Variants in CNTD1 observed in about 807,000 individuals in gnomAD.
The protein encoded by CNTD1 is cyclin N-terminal domain-containing protein 1.
CNTD1 carries 17 observed loss-of-function variants against 36.3 expected under a neutral mutation model. That is an observed-to-expected ratio of 0.47 (90% CI 0.32 to 0.70). CNTD1 has a LOEUF of 0.70. Among genes scored for constraint, CNTD1 ranks in the 30% least tolerant of loss-of-function variants. The probability of loss-of-function intolerance (pLI) is 0.03; values close to 1 mark genes in which losing one functional copy is unlikely to be tolerated. For missense variants in CNTD1, 338 were observed against 386.1 expected (o/e 0.88, Z 1.04); for synonymous variants, 128 against 153.3 (o/e 0.83, Z 1.22).
chr17:42,799,752 CAAAAA>C (rs780393099), intron 1 of CNTD1, among the ~76,000 whole-genome samples: 9 of 10,590 alleles, frequency 8.5e-4, no homozygotes, highest in African/African-American at 2.2e-3. Flanking sequence ...AACTCCGTCT[CAAAAA>C]AAAAAAAAAA....
intron 1 of CNTD1, among the ~76,000 whole-genome samples, chr17:42,801,212 A>C (rs2054777011): frequency 6.6e-6 from 1 of 151,198 alleles, no homozygotes; most frequent in African/African-American, 2.4e-5. Context: ...AACAACAAAA[A>C]AAAACAACAC....
rs2054949949 is a variant in CNTD1 at position 42,809,533 on chromosome 17, T to C, written c.991T>C (p.Ter331ArgextTer53). The change falls in exon 7 of 7, where the codon TGA (stop) becomes CGA (arginine). Residue 331 changes from the stop codon to arginine (R), a stop_lost. Coordinates refer to ENST00000588408, the MANE Select transcript of CNTD1 (RefSeq NM_173478.3). ...ALKTVASSNT[*>R] ...GAAGACTGTTGCTTCCTCTAACACA[T>C]GAGGGAGGCTGAATCCACCAAATAT... 1.2e-6 allele frequency: 2 copies of C among 1,613,634 alleles called. No homozygotes were observed. The highest frequency in any genetic ancestry group is 1.7e-6 in the Non-Finnish European group (2 of 1,179,630).
At position 42,804,211 on chromosome 17, in the gene CNTD1, TCC is replaced by T; in HGVS notation, c.246-12_246-11del. 6.2e-7 allele frequency: 1 copy of T among 1,607,470 alleles called. No homozygotes were observed. The highest frequency in any genetic ancestry group is 8.5e-7 in the Non-Finnish European group (1 of 1,176,384). ...GTGAGTGAGGATTGTTTACTCTCCC[TCC>T]CTTCCCTACAGGTTTATGGTAAAAC... is the stretch of plus-strand genomic sequence containing the variant. On this transcript the variant is annotated splice_polypyrimidine_tract_variant and intron_variant, in intron 2 of 6. Transcript: ENST00000588408.
At chr17:42,809,342 G>C in intron 6 of CNTD1, 23 bp from the exon 7 acceptor site, 1 of 1,588,242 alleles carries the variant, frequency 6.3e-7, no homozygotes, top group Non-Finnish European at 8.6e-7. Flanking sequence ...TTAGTAATAA[G>C]AAATCTGTCT....
chr17:42,804,464 G>A, intron 3 of CNTD1, 68 bp downstream of exon 3: 1 of 1,301,274 alleles, frequency 7.7e-7, no homozygotes, highest in Non-Finnish European at 1.1e-6. Context: ...ACAAAGGGGG[G>A]CTGTGATGAG....
At position 42,804,393 on chromosome 17, in the gene CNTD1, C is replaced by A. The variant is rs763465159; in HGVS notation, c.414C>A (p.Asn138Lys). The A allele has an allele frequency of 6.2e-6, 10 of 1,613,134 alleles. No homozygotes were observed. The highest frequency in any genetic ancestry group is 8.5e-6 in the Non-Finnish European group (10 of 1,179,476). ...VQLASKLSFRNKIISNITVLN... is the reference protein window; with the variant it reads ...VQLASKLSFRKKIISNITVLN... ...TGGCCAGCAAACTTTCCTTCCGAAA[C>A]AAAGTAAGGAGCTGGGGTTGCTCAT... Residue 138 changes from asparagine to lysine, a missense_variant, in exon 3 of 7, where the codon AAC becomes AAA. Coordinates refer to ENST00000588408, the MANE Select transcript of CNTD1 (RefSeq NM_173478.3).
At chr17:42,803,235 G>A (rs777138136) in intron 1 of CNTD1, among the ~76,000 whole-genome samples, 2 of 152,244 alleles carry the variant, frequency 1.3e-5, no homozygotes, top group Non-Finnish European at 2.9e-5. Flanking sequence ...ACAGAATATA[G>A]GAGTTAGGGT....
chr17:42,798,973 G>A lies in CNTD1; in HGVS notation c.-95G>A, dbSNP rs2054723107. ...CGACACACTCATTGGAAGGGGACGA[G>A]GAATCCAGGGTGTGGCAGAAGACTG... On this transcript the variant is annotated 5_prime_UTR_variant, in exon 1 of 7. Transcript: ENST00000588408. The A allele has an allele frequency of 6.6e-7, 1 of 1,513,220 alleles. No homozygotes were observed. The highest frequency in any genetic ancestry group is 8.8e-7 in the Non-Finnish European group (1 of 1,132,110). The allele number at this position is 1,513,220 out of a possible 1,614,324, so 93.7% of individuals were successfully genotyped here.
At chr17:42,805,951 G>C (rs114852389) in intron 4 of CNTD1, 67 bp downstream of exon 4, 42 of 1,456,036 alleles carry the variant, frequency 2.9e-5, no homozygotes, top group South Asian at 1.3e-4. Context: ...ATGTGCATGG[G>C]GGGGCATGGC....
In CNTD1 at chr17:42,801,510, AATATATATATATAT is replaced by A. The variant is rs1216506814; in HGVS notation, c.170-2086_170-2073del. On this transcript the variant is annotated intron_variant, in intron 1 of 6. Transcript: ENST00000588408. ...GACCTTGTCTCAAAAAAAAAAAAAAAATATATATATATATATATATATATATATATATATATAAT... is the reference window on the plus strand; with the variant it reads ...GACCTTGTCTCAAAAAAAAAAAAAAAATATATATATATATATATATATAAT... 5.3e-3 allele frequency among the ~76,000 whole-genome samples: 287 copies of A among 54,318 alleles called. 3 individuals are homozygous for A. Among genetic ancestry groups the A allele is most frequent in the Middle Eastern group, 0.015 (1 of 68 alleles). 35.6% of individuals were successfully genotyped at this position (54,318 alleles called of 152,430 possible).
chr17:42,804,031 C>T (rs1734029059), intron 2 of CNTD1, among the ~76,000 whole-genome samples, 194 bp from the exon 3 acceptor site: 1 of 151,430 alleles, frequency 6.6e-6, no homozygotes, highest in African/African-American at 2.4e-5. Context: ...TAGAGATGGG[C>T]TTTTGCCATG....
intron 1 of CNTD1, 33 bp from the exon 2 acceptor site, chr17:42,803,587 T>C (rs1285673282): frequency 6.3e-7 from 1 of 1,589,150 alleles, no homozygotes; most frequent in Non-Finnish European, 8.6e-7. Context: ...GGTTGCATCT[T>C]GTGAATTAGG....
chr17:42,807,671 C>T (rs770160590), intron 5 of CNTD1, 97 bp from the exon 6 acceptor site: 30 of 876,152 alleles, frequency 3.4e-5, no homozygotes, highest in South Asian at 1.4e-4. Context: ...CCAAGATGAT[C>T]GACACAAATA....
intron 3 of CNTD1, 110 bp from the exon 4 acceptor site, chr17:42,805,612 C>T: frequency 1.0e-6 from 1 of 962,798 alleles, no homozygotes; most frequent in Non-Finnish European, 1.5e-6. Flanking sequence ...TACCAAGAGA[C>T]AAGACTGAAG....
Position 42,809,531 on chromosome 17 carries a change from CAT to C in CNTD1, c.990_991del (p.Ter331ArgfsTer35), listed in dbSNP as rs769941376. 10 of 1,613,636 alleles carry C rather than the reference CAT, an allele frequency of 6.2e-6. No homozygotes were observed. The Admixed American group carries it at 6.7e-5, about 11-fold the overall frequency. On this transcript the variant is annotated frameshift_variant and stop_lost, in exon 7 of 7. Transcript: ENST00000588408. LOFTEE classifies it high-confidence loss of function. ...CTGAAGACTGTTGCTTCCTCTAACA[CAT>C]GAGGGAGGCTGAATCCACCAAATAT...
intron 6 of CNTD1, 114 bp downstream of exon 6, chr17:42,807,978 T>TA (rs1211054908): frequency 4.0e-6 from 3 of 741,906 alleles, no homozygotes; most frequent in Non-Finnish European, 6.8e-6. Flanking sequence ...GACCCAGGAT[T>TA]AGGATGGGTG....
At chr17:42,800,945 G>A (rs1025087850) in intron 1 of CNTD1, among the ~76,000 whole-genome samples, 4 of 152,210 alleles carry the variant, frequency 2.6e-5, no homozygotes, top group Admixed American at 2.0e-4. Flanking sequence ...CCAACACTTT[G>A]AGAGGCTGAG....
chr17:42,804,498 A>C, intron 3 of CNTD1, 102 bp downstream of exon 3: 1 of 1,087,684 alleles, frequency 9.2e-7, no homozygotes, highest in Non-Finnish European at 1.3e-6. Flanking sequence ...ACAAGAAGAA[A>C]ATAAATAAAT....
Position 42,809,583 on chromosome 17 carries a change from A to T in CNTD1, c.*48A>T. The T allele has an allele frequency of 6.5e-7, 1 of 1,539,402 alleles. No homozygotes were observed. The highest frequency in any genetic ancestry group is 8.9e-7 in the Non-Finnish European group (1 of 1,117,654). On this transcript the variant is annotated 3_prime_UTR_variant, in exon 7 of 7. Transcript: ENST00000588408. ...TAAACAGCCATCCGTCACTGCACTC[A>T]TGCCTCCCTCTGTTTACTTTCATAC...
Sources: gnomAD v4.1 joint callset for allele counts (sites outside exome capture counted in the v4.1 genomes callset) on GRCh38, gnomAD v4.1.1 for gene constraint, MANE v1.5 for transcripts, NCBI Gene and HGNC (gene_info 2026-07-23, HGNC 2026-07-21) for gene names.